The following TRIM5 variants were observed in gnomAD, a reference collection of about 807,000 sequenced individuals.
TRIM5 encodes the protein tripartite motif-containing protein 5.
TRIM5 carries 31 observed loss-of-function variants against 35.6 expected under a neutral mutation model. That is an observed-to-expected ratio of 0.87 (90% CI 0.65 to 1.18). The LOEUF is 1.18. Ranked by LOEUF, TRIM5 falls within the 50% of genes most tolerant of loss-of-function variation. The pLI, the probability that TRIM5 is intolerant of heterozygous loss-of-function variation, is 0.00. For missense variants in TRIM5, 609 were observed against 591.6 expected (o/e 1.03, Z -0.31); for synonymous variants, 243 against 215.6 (o/e 1.13, Z -1.11).
chr11:5,648,422 C>T, the TRIM5 span, among the ~76,000 whole-genome samples: 82 of 116,502 alleles, frequency 7.0e-4, no homozygotes, highest in African/African-American at 8.5e-4. Context: ...GGGAGAATGG[C>T]GTGAACCTGG....
At chr11:5,682,713 C>A (rs1590288590) in intron 1 of TRIM5, among the ~76,000 whole-genome samples, 1 of 152,284 alleles carries the variant, frequency 6.6e-6, no homozygotes, top group Non-Finnish European at 1.5e-5. Flanking sequence ...CCCCCTCCCC[C>A]ACACGACACC....
chr11:5,596,881 G>A, the TRIM5 span: 1 of 1,613,966 alleles, frequency 6.2e-7, no homozygotes, highest in Non-Finnish European at 8.5e-7. Context: ...GGAACTTCTT[G>A]GCTTCTCATT....
At chr11:5,629,889 G>T in the TRIM5 span, among the ~76,000 whole-genome samples, 1 of 152,142 alleles carries the variant, frequency 6.6e-6, no homozygotes, top group African/African-American at 2.4e-5. Flanking sequence ...TGTATTTTTA[G>T]TAGAGATGGG....
chr11:5,605,259 C>A, the TRIM5 span: 2 of 1,599,906 alleles, frequency 1.3e-6, no homozygotes, highest in Non-Finnish European at 1.7e-6. Flanking sequence ...CAGTCCTGAG[C>A]CCAACTTCCC....
At chr11:5,594,315 T>A in the TRIM5 span, among the ~76,000 whole-genome samples, 2 of 152,162 alleles carry the variant, frequency 1.3e-5, no homozygotes, top group South Asian at 4.1e-4. Context: ...TTTTGTTTTC[T>A]TTTTTGTTTT....
At chr11:5,675,171 G>A (rs1012188137) in intron 4 of TRIM5, among the ~76,000 whole-genome samples, 1 of 151,754 alleles carries the variant, frequency 6.6e-6, no homozygotes, top group South Asian at 2.1e-4. Context: ...TGGGATTACA[G>A]GTGCCCGCCA....
the TRIM5 span, chr11:5,632,685 T>G: frequency 6.2e-7 from 1 of 1,612,552 alleles, no homozygotes; most frequent in Admixed American, 1.7e-5. Context: ...TTTGCTGGCT[T>G]TGTGAGCGGT....
chr11:5,598,908 G>A, the TRIM5 span, among the ~76,000 whole-genome samples: 2 of 151,940 alleles, frequency 1.3e-5, no homozygotes, highest in African/African-American at 2.4e-5. Flanking sequence ...GATACATAAA[G>A]GGCATTTCCC....
intron 1 of TRIM5, among the ~76,000 whole-genome samples, chr11:5,681,616 T>C (rs1338153467): frequency 9.2e-5 from 14 of 152,076 alleles, no homozygotes; most frequent in Admixed American, 9.2e-4. Flanking sequence ...ATAAACTTGT[T>C]TGTGGAGGCC....
At chr11:5,629,258 C>A in the TRIM5 span, among the ~76,000 whole-genome samples, 5 of 151,860 alleles carry the variant, frequency 3.3e-5, no homozygotes, top group Admixed American at 3.3e-4. Context: ...GCCTGGGCGA[C>A]AGAGCGAAAC....
chr11:5,620,755 A>G, the TRIM5 span, among the ~76,000 whole-genome samples: 1 of 152,156 alleles, frequency 6.6e-6, no homozygotes, highest in Admixed American at 6.5e-5. Flanking sequence ...CTCTTCCTCC[A>G]GATTAGCTTC....
At chr11:5,606,922 G>A in the TRIM5 span, among the ~76,000 whole-genome samples, 1 of 152,214 alleles carries the variant, frequency 6.6e-6, no homozygotes, top group Admixed American at 6.5e-5. Context: ...TTATAGCCAA[G>A]GCCGAGCGCG....
chr11:5,603,370 G>C, the TRIM5 span: 2 of 1,614,050 alleles, frequency 1.2e-6, no homozygotes, highest in Admixed American at 3.3e-5. Context: ...TATCTGCCTG[G>C]AGCTCCTAAC....
intron 1 of TRIM5, among the ~76,000 whole-genome samples, chr11:5,683,116 C>T (rs1229662620): frequency 1.3e-5 from 2 of 152,336 alleles, no homozygotes; most frequent in South Asian, 2.1e-4. Context: ...CTCAATTTCT[C>T]GCCGGGCCTT....
the TRIM5 span, among the ~76,000 whole-genome samples, chr11:5,592,494 G>A: frequency 6.6e-6 from 1 of 152,142 alleles, no homozygotes; most frequent in African/African-American, 2.4e-5. Context: ...ACTGGTTCCA[G>A]AGTCCATCAT....
the TRIM5 span, among the ~76,000 whole-genome samples, chr11:5,622,149 A>C: frequency 2.0e-5 from 3 of 152,184 alleles, no homozygotes; most frequent in Admixed American, 1.3e-4. Flanking sequence ...GAGTTTTTTA[A>C]AAAGGAAAAA....
the TRIM5 span, among the ~76,000 whole-genome samples, chr11:5,593,420 A>AT: frequency 6.6e-6 from 1 of 152,214 alleles, no homozygotes; most frequent in African/African-American, 2.4e-5. Context: ...TATACTAGAG[A>AT]TTTTTTTCAC....
At chr11:5,641,026 T>C in the TRIM5 span, 1 of 1,240,226 alleles carries the variant, frequency 8.1e-7, no homozygotes, top group African/African-American at 1.5e-5. Flanking sequence ...TGTGTCTAGC[T>C]AAATGTTTGC....
the TRIM5 span, among the ~76,000 whole-genome samples, chr11:5,591,236 A>T: frequency 3.3e-5 from 5 of 152,218 alleles, no homozygotes; most frequent in Non-Finnish European, 5.9e-5. Context: ...GCAAATAAAC[A>T]CTAATATTAT....
Sources: gnomAD v4.1 joint callset for allele counts (sites outside exome capture counted in the v4.1 genomes callset) on GRCh38, gnomAD v4.1.1 for gene constraint, MANE v1.5 for transcripts, NCBI Gene and HGNC (gene_info 2026-07-23, HGNC 2026-07-21) for gene names.